The following PRKDC variants were observed in gnomAD, a reference collection of about 807,000 sequenced individuals.
PRKDC encodes protein kinase, DNA-activated, catalytic subunit.
PRKDC carries 82 observed loss-of-function variants against 486.9 expected under a neutral mutation model. The ratio of observed to expected loss-of-function variants is 0.17; its 90% CI spans 0.14 to 0.20. PRKDC has a LOEUF of 0.20. Among genes scored for constraint, PRKDC ranks in the 10% least tolerant of loss-of-function variants. The probability of loss-of-function intolerance (pLI) is 1.00; values close to 1 mark genes in which losing one functional copy is unlikely to be tolerated. For synonymous variants in PRKDC, 1,895 were observed against 1,837.0 expected (o/e 1.03, Z -0.81); for missense variants, 4,504 against 5,038.2 (o/e 0.89, Z 3.21).
intron 85 of PRKDC, 100 bp downstream of exon 85, chr8:47,776,744 C>CA: frequency 7.7e-6 from 11 of 1,429,800 alleles, no homozygotes; most frequent in Non-Finnish European, 1.1e-5. Flanking sequence ...GTCATGCTAA[C>CA]AGAGTGTCAA....
At chr8:47,910,142 A>G (rs148167355) in intron 25 of PRKDC, among the ~76,000 whole-genome samples, 2,167 of 152,210 alleles carry the variant, frequency 0.014, 164 homozygotes, top group Admixed American at 0.12. Flanking sequence ...ACCGGCCGAC[A>G]CTTAGGGAAA....
intron 35 of PRKDC, among the ~76,000 whole-genome samples, chr8:47,887,136 G>A (rs1563785930): frequency 6.6e-6 from 1 of 152,184 alleles, no homozygotes; most frequent in Non-Finnish European, 1.5e-5. Context: ...GGCCAGCCCT[G>A]CATGGTTCAA....
chr8:47,945,779 T>C (rs1352543260), intron 7 of PRKDC, among the ~76,000 whole-genome samples: 1 of 152,130 alleles, frequency 6.6e-6, no homozygotes, highest in East Asian at 1.9e-4. Context: ...TGGAGTGCAG[T>C]GGCACGATCT....
chr8:47,930,655 A>G lies in PRKDC; in HGVS notation c.1892+17T>C, dbSNP rs958193053. ...CAATCATTTTCATTCTTAAATAATT[A>G]GAATTTTACCAAATACCTGCAAAAT... On this transcript the variant is annotated intron_variant, in intron 17 of 85. Transcript: ENST00000314191. 3.3e-6 allele frequency: 5 copies of G among 1,537,956 alleles called. No homozygotes were observed. Among genetic ancestry groups the G allele is most frequent in the Non-Finnish European group, 8.8e-7 (1 of 1,137,786 alleles).
rs1388106701 is a variant in PRKDC at position 47,897,165 on chromosome 8, C to T, written c.3594G>A (p.Leu1198=). 1.3e-6 allele frequency: 2 copies of T among 1,593,286 alleles called. No homozygotes were observed. The highest frequency in any genetic ancestry group is 1.3e-5 in the African/African-American group (1 of 74,678). ...AAGATATACAGATTACCATACCTGGCAATAAAGGAACGAATTTATAAAAGA... is the reference window on the plus strand; with the variant it reads ...AAGATATACAGATTACCATACCTGGTAATAAAGGAACGAATTTATAAAAGA... ...IELFYKFVPL[L]PGNRSPNLWL... is the part of the protein sequence containing the mutation. The change falls in exon 30 of 86, where the codon TTG becomes TTA. Residue 1198 remains leucine (L), a synonymous_variant. Transcript: ENST00000314191.
intron 10 of PRKDC, among the ~76,000 whole-genome samples, chr8:47,942,572 G>A (rs1200103293): frequency 6.6e-6 from 1 of 152,164 alleles, no homozygotes; most frequent in African/African-American, 2.4e-5. Context: ...GTTTACCCAT[G>A]TACAGCAGGG....
At chr8:47,799,536 C>A in intron 71 of PRKDC, 146 bp from the exon 72 acceptor site, 1 of 842,198 alleles carries the variant, frequency 1.2e-6, no homozygotes, top group Non-Finnish European at 1.7e-6. Context: ...CAAGAGTCCA[C>A]CCTGGCTGTG....
intron 84 of PRKDC, 24 bp downstream of exon 84, chr8:47,777,662 A>C: frequency 6.5e-7 from 1 of 1,549,402 alleles, no homozygotes; most frequent in Non-Finnish European, 8.7e-7. Context: ...CAAAAGTGAA[A>C]AGTGCACATG....
chr8:47,930,862 A>C, intron 16 of PRKDC, 75 bp from the exon 17 acceptor site: 1 of 1,392,698 alleles, frequency 7.2e-7, no homozygotes, highest in Non-Finnish European at 9.7e-7. Flanking sequence ...TTTCCAACTG[A>C]CTTCATGGTC....
intron 74 of PRKDC, among the ~76,000 whole-genome samples, chr8:47,791,542 T>C (rs1030903698): frequency 5.9e-5 from 9 of 151,332 alleles, no homozygotes; most frequent in Non-Finnish European, 1.2e-4. Flanking sequence ...GAAAAAAAAA[T>C]CCAATCTCAT....
chr8:47,886,039 T>C lies in PRKDC; in HGVS notation c.4681A>G (p.Ser1561Gly). The C allele has an allele frequency of 6.2e-7, 1 of 1,613,754 alleles. No homozygotes were observed. The highest frequency in any genetic ancestry group is 8.5e-7 in the Non-Finnish European group (1 of 1,179,878). ...GTGTTGATCGTTTCTGAGAACAAGC[T>C]ATAGAAATACTCCCCATGGGAGAAG... ...IHFSHGEYFY[S>G]LFSETINTEL... is the part of the protein sequence containing the mutation. The change falls in exon 36 of 86, where the codon AGC becomes GGC. Residue 1561 changes from serine to glycine, a missense_variant. Coordinates refer to ENST00000314191, the MANE Select transcript of PRKDC (RefSeq NM_006904.7).
chr8:47,882,212 T>C (rs1469787223), intron 36 of PRKDC, 115 bp from the exon 37 acceptor site: 14 of 972,624 alleles, frequency 1.4e-5, no homozygotes, highest in Non-Finnish European at 2.0e-5. Context: ...ATTTCTATAA[T>C]AGATGTTTAT....
At chr8:47,796,266 C>T (rs2086983646) in intron 73 of PRKDC, among the ~76,000 whole-genome samples, 1 of 151,838 alleles carries the variant, frequency 6.6e-6, no homozygotes, top group African/African-American at 2.4e-5. Flanking sequence ...ACATAATCAT[C>T]TTTTAAAATC....
At chr8:47,799,515 A>T (rs978753377) in intron 71 of PRKDC, 125 bp from the exon 72 acceptor site, 36 of 977,126 alleles carry the variant, frequency 3.7e-5, no homozygotes, top group Non-Finnish European at 4.8e-5. Flanking sequence ...GAAGCTATGG[A>T]ACTGGAAAAA....
intron 72 of PRKDC, 40 bp downstream of exon 72, chr8:47,799,170 C>T (rs371158962): frequency 5.6e-6 from 9 of 1,608,372 alleles, no homozygotes; most frequent in Admixed American, 5.0e-5. Context: ...AGACTTTATG[C>T]TGACATAATG....
rs749833012 is a variant in PRKDC, at chr8:47,774,380, G to A, written c.12183-3C>T. 1 of 1,609,880 alleles carries A rather than the reference G, an allele frequency of 6.2e-7. No homozygotes were observed. Among genetic ancestry groups the A allele is most frequent in the South Asian group, 1.1e-5 (1 of 90,324 alleles). On this transcript the variant is annotated splice_polypyrimidine_tract_variant and splice_region_variant and intron_variant, in intron 85 of 85. Coordinates refer to ENST00000314191, the MANE Select transcript of PRKDC (RefSeq NM_006904.7). ...CATGACCCAGGAGTAGCTCATCACT[G>A]GAAAAAAAACAAACACAGAAAACAC...
At chr8:47,922,290 A>G (rs1384921857) in intron 21 of PRKDC, among the ~76,000 whole-genome samples, 1 of 151,976 alleles carries the variant, frequency 6.6e-6, no homozygotes, top group Non-Finnish European at 1.5e-5. Context: ...ATACCACCAC[A>G]TCCAGCTAAT....
In PRKDC at chr8:47,879,674, G is replaced by A; in HGVS notation, c.5068-16C>T. ...CAGCTTGGCCCTGTGGAGCAAGACA[G>A]ACATAAGAAACTGCACGAATTATGG... On this transcript the variant is annotated splice_polypyrimidine_tract_variant and intron_variant, in intron 38 of 85. Transcript: ENST00000314191. The A allele has an allele frequency of 6.6e-7, 1 of 1,525,398 alleles. No homozygotes were observed. Among genetic ancestry groups the A allele is most frequent in the African/African-American group, 1.4e-5 (1 of 70,920 alleles). 94.5% of individuals were successfully genotyped at this position (1,525,398 alleles called of 1,614,324 possible).
chr8:47,803,069 G>A (rs1329919061), intron 70 of PRKDC, among the ~76,000 whole-genome samples: 1 of 152,194 alleles, frequency 6.6e-6, no homozygotes, highest in African/African-American at 2.4e-5. Context: ...TTACAGGCGT[G>A]AGCCACTGCG....
Sources: allele counts gnomAD v4.1 joint callset (sites outside exome capture counted in the v4.1 genomes callset), GRCh38; gene constraint gnomAD v4.1.1; transcripts MANE v1.5; gene names NCBI Gene and HGNC (gene_info 2026-07-23, HGNC 2026-07-21).